MANBA: variants seen among roughly 807,000 people sequenced by gnomAD.
MANBA encodes beta-mannosidase.
In MANBA, 83 loss-of-function variants were observed where a neutral mutation model predicts 111.1. That is an observed-to-expected ratio of 0.75 (90% CI 0.63 to 0.90). The LOEUF (loss-of-function observed/expected upper bound fraction) is 0.90. Among genes scored for constraint, MANBA ranks in the 40% least tolerant of loss-of-function variants. MANBA has a pLI of 0.00. For synonymous variants in MANBA, 370 were observed against 378.7 expected, an observed-to-expected ratio of 0.98 and a Z score of 0.27; for missense variants, 1,036 against 1,069.0, an observed-to-expected ratio of 0.97 and a Z score of 0.43.
rs1279101677 is a variant in MANBA at position 102,714,515 on chromosome 4, T to C, written c.596A>G (p.Gln199Arg). The C allele has an allele frequency of 1.2e-6, 2 of 1,606,946 alleles. No homozygotes were observed. Among genetic ancestry groups the C allele is most frequent in the African/African-American group, 1.3e-5 (1 of 74,778 alleles). The change falls in exon 5 of 17, where the codon CAG becomes CGG. Residue 199 changes from glutamine to arginine, a missense_variant. Transcript: ENST00000647097. Reference protein sequence around the residue: ...SWDWGPSFPTQGIWKDVRIEA... With the variant: ...SWDWGPSFPTRGIWKDVRIEA... ...AATTCTAACATCTTTCCAGATTCCC[T>C]GGGTAGGAAAGGAAGGCCCCCAGTC...
At chr4:102,692,482 T>C (rs1245112679) in intron 5 of MANBA, among the ~76,000 whole-genome samples, 1 of 152,186 alleles carries the variant, frequency 6.6e-6, no homozygotes, top group Non-Finnish European at 1.5e-5. Context: ...TTTGGTTTTG[T>C]GTTTAGTTTT....
At chr4:102,662,793 G>A (rs1731029402) in intron 11 of MANBA, 1 of 156,848 alleles carries the variant, frequency 6.4e-6, no homozygotes, top group South Asian at 1.8e-4. Flanking sequence ...AACCAGAGGA[G>A]TCTACTGTGC....
At chr4:102,691,757 C>T (rs983023013) in intron 5 of MANBA, among the ~76,000 whole-genome samples, 2 of 152,130 alleles carry the variant, frequency 1.3e-5, no homozygotes, top group Non-Finnish European at 2.9e-5. Context: ...ATCCTCCAGC[C>T]TCTACCTCCC....
chr4:102,718,736 C>G (rs1465907989), intron 4 of MANBA, among the ~76,000 whole-genome samples: 4 of 152,154 alleles, frequency 2.6e-5, no homozygotes, highest in Non-Finnish European at 5.9e-5. Flanking sequence ...TCTATTTTCC[C>G]TAAGTGTCAG....
At chr4:102,636,165 A>G (rs1331232214) in intron 14 of MANBA, among the ~76,000 whole-genome samples, 158 bp from the exon 15 acceptor site, 5 of 152,166 alleles carry the variant, frequency 3.3e-5, no homozygotes, top group East Asian at 3.9e-4. Flanking sequence ...AAGCGCTCTG[A>G]GCACTCTGGA....
Position 102,723,840 on chromosome 4 carries a change from C to T in MANBA, c.378+22G>A, listed in dbSNP as rs755905373. ...ATAAACACACATAAATTTTTTTTAA[C>T]CTAATGTCATTATATACTTACATAT... is the stretch of plus-strand genomic sequence containing the variant. On this transcript the variant is annotated intron_variant, in intron 3 of 16. Coordinates refer to ENST00000647097, the MANE Select transcript of MANBA (RefSeq NM_005908.4). 13 of 1,389,800 alleles carry T rather than the reference C, an allele frequency of 9.4e-6. No individual in the cohort carries two copies. The Admixed American group carries it at 1.9e-4, about 21-fold the overall frequency. 86.1% of individuals were successfully genotyped at this position (1,389,800 alleles called of 1,614,324 possible).
At chr4:102,750,082 T>C (rs182430866) in intron 1 of MANBA, among the ~76,000 whole-genome samples, 1 of 152,354 alleles carries the variant, frequency 6.6e-6, no homozygotes, top group Non-Finnish European at 1.5e-5. Context: ...ACATTATTAA[T>C]TGATGACTAT....
Position 102,709,360 on chromosome 4 carries a change from AAAAGAAAAAGAAAGGAAGGAAGG to A in MANBA, c.673+5055_673+5077del, listed in dbSNP as rs1310245029. Among the ~76,000 whole-genome samples, 14 of 149,992 alleles carry A rather than the reference AAAAGAAAAAGAAAGGAAGGAAGG, an allele frequency of 9.3e-5. 1 individual carries two copies. The highest frequency in any genetic ancestry group is 3.2e-4 in the African/African-American group (13 of 40,138). On this transcript the variant is annotated intron_variant, in intron 5 of 16. Coordinates refer to ENST00000647097, the MANE Select transcript of MANBA (RefSeq NM_005908.4). The stretch of plus-strand genomic sequence containing the variant: ...GAAGGAAGGAAGGAAGGAAGAAAAG[AAAAGAAAAAGAAAGGAAGGAAGG>A]AAGAAAGAAAGAAAGAAAAAAAAGA...
intron 5 of MANBA, among the ~76,000 whole-genome samples, chr4:102,707,652 A>C (rs1733361041): frequency 6.6e-6 from 1 of 152,212 alleles, no homozygotes; most frequent in Non-Finnish European, 1.5e-5. Context: ...ATAAGCCCTC[A>C]TATATCAATA....
chr4:102,751,632 G>A (rs1463213677), intron 1 of MANBA: 1 of 541,388 alleles, frequency 1.8e-6, no homozygotes, highest in Non-Finnish European at 3.8e-6. Context: ...CATGTCATCA[G>A]AAGTAGTTGT....
chr4:102,729,484 T>A, intron 1 of MANBA: 1 of 1,094,628 alleles, frequency 9.1e-7, no homozygotes, highest in Non-Finnish European at 1.4e-6. Flanking sequence ...CTGGATCTCC[T>A]CTTCATACAG....
At chr4:102,738,087 G>A (rs1224669184) in intron 1 of MANBA, among the ~76,000 whole-genome samples, 2 of 152,184 alleles carry the variant, frequency 1.3e-5, no homozygotes, top group African/African-American at 4.8e-5. Flanking sequence ...CCCCCCTTCT[G>A]CTACTGCAGC....
At chr4:102,658,916 TC>T (rs537307382) in intron 11 of MANBA, 1 of 152,224 alleles carries the variant, frequency 6.6e-6, no homozygotes, top group Non-Finnish European at 1.5e-5. Flanking sequence ...CTGTGAGAAC[TC>T]AAAATATAGT....
chr4:102,718,101 A>G (rs1251445491), intron 4 of MANBA, among the ~76,000 whole-genome samples: 1 of 152,262 alleles, frequency 6.6e-6, no homozygotes, highest in African/African-American at 2.4e-5. Flanking sequence ...CACATCATCA[A>G]GAGGACTAAG....
chr4:102,714,946 C>T (rs779945020), intron 4 of MANBA, among the ~76,000 whole-genome samples: 1 of 152,130 alleles, frequency 6.6e-6, no homozygotes, highest in Admixed American at 6.5e-5. Flanking sequence ...CCTTAAAGAC[C>T]TTCTCCAAAT....
chr4:102,714,678 A>G, intron 4 of MANBA, 117 bp from the exon 5 acceptor site: 1 of 964,316 alleles, frequency 1.0e-6, no homozygotes, highest in Non-Finnish European at 1.6e-6. Flanking sequence ...TATGGCAGCC[A>G]TAACAAAGTA....
At chr4:102,723,989 T>A in intron 2 of MANBA, 22 bp from the exon 3 acceptor site, 2 of 1,316,180 alleles carry the variant, frequency 1.5e-6, no homozygotes, top group South Asian at 1.2e-5. Flanking sequence ...AAAAGATTTT[T>A]AAAACAAGAT....
intron 1 of MANBA, chr4:102,728,355 G>A (rs1722890647): frequency 9.4e-6 from 5 of 531,308 alleles, no homozygotes; most frequent in Non-Finnish European, 1.9e-5. Context: ...ACTCTCTGCA[G>A]GCTTTTGCCT....
intron 14 of MANBA, among the ~76,000 whole-genome samples, chr4:102,638,172 C>T (rs145893584): frequency 0.025 from 3,739 of 152,098 alleles, 148 homozygotes; most frequent in African/African-American, 0.085. Flanking sequence ...GCCTGTAATC[C>T]CAACACTTTG....
Sources: allele counts gnomAD v4.1 joint callset (sites outside exome capture counted in the v4.1 genomes callset), GRCh38; gene constraint gnomAD v4.1.1; transcripts MANE v1.5; gene names NCBI Gene and HGNC (gene_info 2026-07-23, HGNC 2026-07-21).